The following GARNL3 variants were observed in gnomAD, a reference collection of about 807,000 sequenced individuals.
GARNL3 encodes GTPase-activating Rap/Ran-GAP domain-like protein 3.
Under a neutral mutation model 125.0 loss-of-function variants are expected in GARNL3, and 63 were observed. The observed-to-expected ratio is 0.50, with a 90% CI of 0.41 to 0.62. The LOEUF (loss-of-function observed/expected upper bound fraction) is 0.62, where lower values mean the gene tolerates loss of function less well. GARNL3 is among the 20% of genes least tolerant of loss of function. GARNL3 has a pLI of 0.00. For missense variants in GARNL3, 994 were observed against 1,244.0 expected (o/e 0.80, Z 3.02); for synonymous variants, 439 against 457.5 (o/e 0.96, Z 0.52).
intron 7 of GARNL3, among the ~76,000 whole-genome samples, chr9:127,331,946 C>T (rs1328172517): frequency 6.6e-6 from 1 of 151,878 alleles, no homozygotes; most frequent in Non-Finnish European, 1.5e-5. Flanking sequence ...GAAGATGGTG[C>T]CAGGCCTGTG....
chr9:127,242,385 A>G lies in GARNL3; in HGVS notation c.-28-694A>G, dbSNP rs1025991438. Among the ~76,000 whole-genome samples, 19 of 152,202 alleles carry G rather than the reference A, an allele frequency of 1.2e-4. No homozygotes were observed. Among genetic ancestry groups the G allele is most frequent in the African/African-American group, 4.6e-4 (19 of 41,452 alleles). On this transcript the variant is annotated intron_variant, in intron 1 of 10. Transcript: ENST00000439286. The surrounding 1 kb of genome is among the most constrained non-coding windows in gnomAD (Gnocchi z 4.6). Reference sequence around the variant, plus strand: ...GGCTCAGAAAATAATTCCAGTCAGAAGGAGTGTGATGCCTGCATTTCCTAA... The same window carrying G: ...GGCTCAGAAAATAATTCCAGTCAGAGGGAGTGTGATGCCTGCATTTCCTAA...
chr9:127,334,766 G>GT (rs1337284425), intron 9 of GARNL3, among the ~76,000 whole-genome samples: 6 of 152,194 alleles, frequency 3.9e-5, no homozygotes, highest in Non-Finnish European at 7.3e-5. Flanking sequence ...GAGAAGTGAG[G>GT]TAACTTGTCA....
intron 1 of GARNL3, among the ~76,000 whole-genome samples, chr9:127,236,724 A>G (rs915130697): frequency 6.6e-6 from 1 of 152,186 alleles, no homozygotes; most frequent in East Asian, 1.9e-4. Context: ...ACACGACCCT[A>G]GTGTGCTATT....
rs149916908 is a variant in GARNL3, at chr9:127,269,760, G to A, written c.144+4739G>A. ...GAATTCTTTGTTCATTCTTGAATTG[G>A]GTTTTTGTTTTGTTTTGTTTTTTGT... is the stretch of plus-strand genomic sequence containing the variant. On this transcript the variant is annotated intron_variant, in intron 1 of 27. Transcript: ENST00000373387. Among the ~76,000 whole-genome samples, 812 of 145,226 alleles carry A rather than the reference G, an allele frequency of 5.6e-3. 4 individuals are homozygous for A. Among genetic ancestry groups the A allele is most frequent in the Non-Finnish European group, 7.1e-3 (476 of 66,758 alleles).
At chr9:127,248,288 C>T (rs2063337413) in intron 2 of GARNL3, among the ~76,000 whole-genome samples, 2 of 152,198 alleles carry the variant, frequency 1.3e-5, no homozygotes, top group African/African-American at 4.8e-5. Context: ...TCTGGTTGCC[C>T]ACAGAGCTTG....
intron 3 of GARNL3, among the ~76,000 whole-genome samples, chr9:127,312,615 T>C (rs1027022230): frequency 2.6e-5 from 4 of 152,142 alleles, no homozygotes; most frequent in African/African-American, 9.7e-5. Context: ...GTTAGAGAAA[T>C]TGCTTCTCAG....
chr9:127,267,849 A>G (rs1340894743), intron 1 of GARNL3, among the ~76,000 whole-genome samples: 1 of 152,228 alleles, frequency 6.6e-6, no homozygotes, highest in Non-Finnish European at 1.5e-5. Context: ...AACTTTCCAG[A>G]AAGGCGTCTA....
chr9:127,342,034 T>A (rs565740481), intron 13 of GARNL3, among the ~76,000 whole-genome samples, 185 bp from the exon 14 acceptor site: 1 of 152,030 alleles, frequency 6.6e-6, no homozygotes, highest in African/African-American at 2.4e-5. Flanking sequence ...CTTGACCTTT[T>A]CCTTTTCAGC....
chr9:127,267,563 G>A (rs966255151), intron 1 of GARNL3, among the ~76,000 whole-genome samples: 13 of 152,134 alleles, frequency 8.5e-5, no homozygotes, highest in South Asian at 2.1e-4. Flanking sequence ...TCATTTTCCC[G>A]TATTAAAAAT....
chr9:127,350,320 C>T lies in GARNL3; in HGVS notation c.1543+1285C>T, dbSNP rs573024352. 5.3e-5 allele frequency among the ~76,000 whole-genome samples: 8 copies of T among 152,134 alleles called. No individual in the cohort carries two copies. In the South Asian group the frequency reaches 1.0e-3, roughly 20 times the overall value. The stretch of plus-strand genomic sequence containing the variant: ...GAGAATAGTTTATAATGATGAAAAT[C>T]GGTGAAACAAAATGGGATGATGATC... On this transcript the variant is annotated intron_variant, in intron 17 of 27. Coordinates refer to ENST00000373387, the MANE Select transcript of GARNL3 (RefSeq NM_032293.5).
intron 1 of GARNL3, among the ~76,000 whole-genome samples, chr9:127,285,208 G>T (rs974888951): frequency 6.6e-6 from 1 of 152,182 alleles, no homozygotes; most frequent in African/African-American, 2.4e-5. Context: ...GAGGTGGGCG[G>T]ATCACCTGAG....
intron 13 of GARNL3, among the ~76,000 whole-genome samples, chr9:127,340,275 T>C (rs1240421083): frequency 6.6e-6 from 1 of 152,120 alleles, no homozygotes; most frequent in Non-Finnish European, 1.5e-5. Flanking sequence ...GGTGAGCACA[T>C]ATTTTCACTC....
rs921965375 is a variant in GARNL3 at position 127,392,675 on chromosome 9, C to G, written c.2871-408C>G. 1.2e-4 allele frequency among the ~76,000 whole-genome samples: 19 copies of G among 152,272 alleles called. No individual in the cohort carries two copies. In the South Asian group the frequency reaches 2.3e-3, roughly 18 times the overall value. On this transcript the variant is annotated intron_variant, in intron 27 of 27. Coordinates refer to ENST00000373387, the MANE Select transcript of GARNL3 (RefSeq NM_032293.5). The surrounding 1 kb of genome is among the most constrained non-coding windows in gnomAD (Gnocchi z 5.2). ...ATTAATATGCAGCTATTGAGAGAGT[C>G]CTGAGGAGCTGGAGGAAACAGAGGG...
At chr9:127,292,497 A>G (rs2131375692) in intron 2 of GARNL3, among the ~76,000 whole-genome samples, 1 of 152,248 alleles carries the variant, frequency 6.6e-6, no homozygotes, top group African/African-American at 2.4e-5. Context: ...CACCATGCCG[A>G]GTTTCTACTT....
chr9:127,277,223 T>A (rs928140333), intron 1 of GARNL3, among the ~76,000 whole-genome samples: 2 of 152,126 alleles, frequency 1.3e-5, no homozygotes, highest in East Asian at 3.8e-4. Context: ...ATTCCTTATG[T>A]GTTTCTTATT....
At chr9:127,254,068 T>C (rs939690817) in intron 2 of GARNL3, among the ~76,000 whole-genome samples, 2 of 152,212 alleles carry the variant, frequency 1.3e-5, no homozygotes, top group African/African-American at 4.8e-5. Flanking sequence ...CATTGGCATC[T>C]GGTGGGTGGG....
intron 2 of GARNL3, among the ~76,000 whole-genome samples, chr9:127,295,183 T>C (rs1290133257): frequency 6.6e-6 from 1 of 152,264 alleles, no homozygotes; most frequent in Non-Finnish European, 1.5e-5. Flanking sequence ...TTTCATGAGA[T>C]GAATCCACTG....
At position 127,357,238 on chromosome 9, in the gene GARNL3, C is replaced by T. The variant is rs774241596; in HGVS notation, c.1955C>T (p.Ser652Phe). The T allele has an allele frequency of 3.1e-6, 5 of 1,614,236 alleles. No homozygotes were observed. In the South Asian group the frequency reaches 5.5e-5, roughly 18 times the overall value. Residue 652 changes from serine (S) to phenylalanine (F), a missense_variant, in exon 21 of 28, where the codon TCT becomes TTT. Coordinates refer to ENST00000373387, the MANE Select transcript of GARNL3 (RefSeq NM_032293.5). The stretch of plus-strand genomic sequence containing the variant: ...ACACAGGAGATCTGTCTGTCTGACT[C>T]TCCCATGGTGATGACCTTAGTGGAT... ...QYIREICLSD[S>F]PMVMTLVDGP...
In GARNL3 at chr9:127,355,404, G is replaced by A. The variant is rs535333154; in HGVS notation, c.1867G>A (p.Gly623Arg). 1.1e-5 allele frequency: 18 copies of A among 1,614,196 alleles called. No individual in the cohort carries two copies. The highest frequency in any genetic ancestry group is 3.3e-5 in the South Asian group (3 of 91,080). Residue 623 changes from glycine (G) to arginine (R), a missense_variant, in exon 20 of 28, where the codon GGG becomes AGG. Physicochemically the swap from Gly to Arg is moderately radical, Grantham distance 125. Transcript: ENST00000373387. ...CACAAGAAAACACAACAAGCCAAGC[G>A]GGGTCACCAGCACCTCATTGTTATC... ...LITRKHNKPSGVTSTSLLSPL... is the reference protein window; with the variant it reads ...LITRKHNKPSRVTSTSLLSPL...
Sources: allele counts gnomAD v4.1 joint callset (sites outside exome capture counted in the v4.1 genomes callset), GRCh38; gene constraint gnomAD v4.1.1; non-coding constraint Gnocchi (gnomAD v3.1); transcripts MANE v1.5; gene names NCBI Gene and HGNC (gene_info 2026-07-23, HGNC 2026-07-21).